Variants in ADAMTS18 observed in about 807,000 individuals in gnomAD.
ADAMTS18 encodes A disintegrin and metalloproteinase with thrombospondin motifs 18.
A neutral mutation model predicts 165.9 loss-of-function variants in ADAMTS18; 157 were observed. The observed-to-expected ratio is 0.95, with a 90% CI of 0.83 to 1.08. The LOEUF (loss-of-function observed/expected upper bound fraction) is 1.08, where lower values mean the gene tolerates loss of function less well. Ranked by LOEUF, ADAMTS18 falls within the 50% of genes least tolerant of loss-of-function variation. ADAMTS18 has a pLI of 0.00. For missense variants in ADAMTS18, 2,040 were observed against 1,534.0 expected, an observed-to-expected ratio of 1.33 and a Z score of -5.51; for synonymous variants, 782 against 578.2, an observed-to-expected ratio of 1.35 and a Z score of -5.06.
chr16:77,400,469 TGTGTGTGTGTG>T (rs779197746), intron 3 of ADAMTS18, among the ~76,000 whole-genome samples: 41 of 141,294 alleles, frequency 2.9e-4, no homozygotes, highest in African/African-American at 1.1e-3. Context: ...TGTGTGTGTG[TGTGTGTGTGTG>T]TTTTGTTTTT....
chr16:77,427,193 AT>A (rs968504231), intron 3 of ADAMTS18, among the ~76,000 whole-genome samples: 2 of 152,132 alleles, frequency 1.3e-5, no homozygotes, highest in Non-Finnish European at 2.9e-5. Flanking sequence ...AGGAATTCAC[AT>A]TTTCAGCCCT....
chr16:77,339,878 G>C (rs2144684374), intron 11 of ADAMTS18, among the ~76,000 whole-genome samples: 1 of 151,150 alleles, frequency 6.6e-6, no homozygotes, highest in South Asian at 2.1e-4. Context: ...CTTTTTAAGA[G>C]ATAGTGAATA....
At chr16:77,314,786 A>ATG (rs1491101675) in intron 16 of ADAMTS18, among the ~76,000 whole-genome samples, 1 of 81,780 alleles carries the variant, frequency 1.2e-5, no homozygotes, top group African/African-American at 5.2e-5. Context: ...ATATATATAT[A>ATG]AAATATATGT....
intron 5 of ADAMTS18, 37 bp from the exon 6 acceptor site, chr16:77,363,922 T>C (rs1375088420): frequency 6.2e-7 from 1 of 1,602,806 alleles, no homozygotes; most frequent in Non-Finnish European, 8.5e-7. Flanking sequence ...AATCTCAAAA[T>C]TTTCAAAACC....
rs757442093 is a variant in ADAMTS18 at position 77,319,990 on chromosome 16, C to G, written c.2391G>C (p.Lys797Asn). The G allele has an allele frequency of 2.5e-6, 4 of 1,614,196 alleles. No homozygotes were observed. Among genetic ancestry groups the G allele is most frequent in the Admixed American group, 3.3e-5 (2 of 60,024 alleles). ...TGCTCCAGCCCCCGGTGAGGTAATACTTTTGACTGAGGCTTCGAACTGCGA... is the reference window on the plus strand; with the variant it reads ...TGCTCCAGCCCCCGGTGAGGTAATAGTTTTGACTGAGGCTTCGAACTGCGA... ...SYLAVRSLSQ[K>N]YYLTGGWSID... The change falls in exon 16 of 23, where the codon AAG (lysine) becomes AAC (asparagine). Residue 797 changes from lysine (K) to asparagine (N), a missense_variant. By Grantham distance (94) the Lys-to-Asn change is moderately conservative (BLOSUM62 0). Coordinates refer to ENST00000282849, the MANE Select transcript of ADAMTS18 (RefSeq NM_199355.4).
intron 16 of ADAMTS18, among the ~76,000 whole-genome samples, chr16:77,303,800 G>A (rs1462278304): frequency 1.3e-5 from 2 of 152,192 alleles, no homozygotes; most frequent in African/African-American, 2.4e-5. Flanking sequence ...TTGGGAGGCC[G>A]AGGTGGGTGG....
intron 3 of ADAMTS18, among the ~76,000 whole-genome samples, chr16:77,406,290 A>AT (rs2057392407): frequency 6.6e-6 from 1 of 152,160 alleles, no homozygotes; most frequent in East Asian, 1.9e-4. Flanking sequence ...AATATAATGT[A>AT]TAGGTATAAA....
intron 3 of ADAMTS18, among the ~76,000 whole-genome samples, chr16:77,407,680 G>A (rs968190317): frequency 1.3e-5 from 2 of 152,056 alleles, no homozygotes; most frequent in Non-Finnish European, 2.9e-5. Context: ...AGCTAGCAAT[G>A]TAGTGTGCCT....
Position 77,385,100 on chromosome 16 carries a change from G to T in ADAMTS18, c.496-17377C>A, listed in dbSNP as rs190385855. 6.3e-4 allele frequency among the ~76,000 whole-genome samples: 96 copies of T among 151,868 alleles called. 1 individual carries two copies. The highest frequency in any genetic ancestry group is 2.1e-3 in the African/African-American group (85 of 41,426). On this transcript the variant is annotated intron_variant, in intron 3 of 22. Coordinates refer to ENST00000282849, the MANE Select transcript of ADAMTS18 (RefSeq NM_199355.4). ...ATTTTTGGATTTTCAGTAGAGACAG[G>T]GTTTCACCATGTTGACCAGGCTGGT...
chr16:77,383,997 G>A (rs549605848), intron 3 of ADAMTS18, among the ~76,000 whole-genome samples: 2 of 152,080 alleles, frequency 1.3e-5, no homozygotes, highest in Admixed American at 6.5e-5. Context: ...TGACATGAGA[G>A]TGCCACACGC....
chr16:77,295,421 A>AT (rs984153234), intron 18 of ADAMTS18, among the ~76,000 whole-genome samples: 1 of 152,184 alleles, frequency 6.6e-6, no homozygotes, highest in African/African-American at 2.4e-5. Flanking sequence ...ATTTGTTGGG[A>AT]TTTTAACTAT....
At chr16:77,405,993 G>T (rs2057388748) in intron 3 of ADAMTS18, among the ~76,000 whole-genome samples, 1 of 151,840 alleles carries the variant, frequency 6.6e-6, no homozygotes, top group South Asian at 2.1e-4. Context: ...GCAAGCAGTA[G>T]AAAAAAAATC....
At chr16:77,432,021 G>A (rs893893965) in intron 2 of ADAMTS18, among the ~76,000 whole-genome samples, 40 of 152,090 alleles carry the variant, frequency 2.6e-4, no homozygotes, top group East Asian at 1.2e-3. Flanking sequence ...CTACAAAATC[G>A]GGAAATTTCT....
intron 16 of ADAMTS18, among the ~76,000 whole-genome samples, chr16:77,316,169 C>G (rs977551789): frequency 6.6e-6 from 1 of 152,208 alleles, no homozygotes; most frequent in African/African-American, 2.4e-5. Flanking sequence ...GCGTCTATTA[C>G]TCCTTACCTG....
chr16:77,360,696 T>C (rs1341350504), intron 7 of ADAMTS18, among the ~76,000 whole-genome samples: 1 of 152,226 alleles, frequency 6.6e-6, no homozygotes, highest in Non-Finnish European at 1.5e-5. Flanking sequence ...CCCAAAATCA[T>C]TGTGTTTTTG....
chr16:77,317,963 G>C (rs1285009606), intron 16 of ADAMTS18, among the ~76,000 whole-genome samples: 1 of 152,254 alleles, frequency 6.6e-6, no homozygotes, highest in East Asian at 1.9e-4. Context: ...AGATGATTGA[G>C]GACACAGCAT....
In ADAMTS18 at chr16:77,435,021, C is replaced by G. The variant is rs375488691; in HGVS notation, c.-326G>C. The G allele has an allele frequency of 1.5e-4, 33 of 214,170 alleles. No homozygotes were observed. In the East Asian group the frequency reaches 2.8e-3, roughly 18 times the overall value. The allele number at this position is 214,170 out of a possible 1,614,324, so 13.3% of individuals were successfully genotyped here. On this transcript the variant is annotated 5_prime_UTR_variant, in exon 1 of 23. Coordinates refer to ENST00000282849, the MANE Select transcript of ADAMTS18 (RefSeq NM_199355.4). ...CGCCCGTCTGTGCGTCTGTCTGTGT[C>G]GGTGTGAGCGTCTGAGGCGATGGGG...
chr16:77,341,895 G>T, intron 10 of ADAMTS18, 96 bp from the exon 11 acceptor site: 2 of 988,622 alleles, frequency 2.0e-6, no homozygotes, highest in Non-Finnish European at 3.1e-6. Flanking sequence ...TTTTGGGGTA[G>T]CTGAAATCAG....
chr16:77,334,821 TACTATATACTATAGTATACA>T (rs1567492171), intron 12 of ADAMTS18, among the ~76,000 whole-genome samples: 11 of 124,756 alleles, frequency 8.8e-5, no homozygotes, highest in Non-Finnish European at 1.1e-4. Context: ...ACAGTATATA[TACTATATACTATAGTATACA>T]GTATATATAA....
Sources: gnomAD v4.1 joint callset for allele counts (sites outside exome capture counted in the v4.1 genomes callset) on GRCh38, gnomAD v4.1.1 for gene constraint, MANE v1.5 for transcripts, NCBI Gene and HGNC (gene_info 2026-07-23, HGNC 2026-07-21) for gene names.